TGM4: variants seen among roughly 807,000 people sequenced by gnomAD.
TGM4 encodes the protein transglutaminase 4.
TGM4 carries 61 observed loss-of-function variants against 76.3 expected under a neutral mutation model. That is an observed-to-expected ratio of 0.80 (90% confidence interval 0.65 to 0.99). The LOEUF is 0.99. Ranked by LOEUF, TGM4 falls within the 50% of genes least tolerant of loss-of-function variation. The pLI is 0.00. For missense variants in TGM4, 794 were observed against 843.2 expected (o/e 0.94, Z 0.72); for synonymous variants, 337 against 329.8 (o/e 1.02, Z -0.24).
chr3:44,905,525 C>T (rs1001266374), intron 9 of TGM4, among the ~76,000 whole-genome samples: 33 of 152,164 alleles, frequency 2.2e-4, no homozygotes, highest in African/African-American at 8.0e-4. Context: ...TTCATCTGCC[C>T]ACAGGGCCAG....
Position 44,901,546 on chromosome 3 carries a change from G to T in TGM4, c.680G>T (p.Gly227Val), listed in dbSNP as rs1279458993. The T allele has an allele frequency of 6.2e-7, 1 of 1,612,308 alleles. No individual in the cohort carries two copies. The highest frequency in any genetic ancestry group is 1.7e-5 in the Admixed American group (1 of 59,888). Residue 227 changes from glycine (G) to valine (V), a missense_variant, in exon 7 of 14, where the codon GGC becomes GTC. Physicochemically the swap from Gly to Val is moderately radical, Grantham distance 109. Coordinates refer to ENST00000296125, the MANE Select transcript of TGM4 (RefSeq NM_003241.4). Reference protein sequence around the residue: ...CAMMSFEKGQGVLIGNWTGDY... With the variant: ...CAMMSFEKGQVVLIGNWTGDY... ...CAGATGAGCTTTGAGAAAGGCCAGG[G>T]CGTGCTCATTGGGAATTGGACTGGG... is the stretch of plus-strand genomic sequence containing the variant.
At chr3:44,911,697 G>A (rs1441688098) in intron 13 of TGM4, among the ~76,000 whole-genome samples, 1 of 152,120 alleles carries the variant, frequency 6.6e-6, no homozygotes, top group Non-Finnish European at 1.5e-5. Context: ...CCTGTGAATT[G>A]CCTGTTCCTA....
Position 44,906,942 on chromosome 3 carries a change from C to T in TGM4, c.1076-7C>T, listed in dbSNP as rs771760497. ...ACTGAGAGTGACCACCCCTGGCTTC[C>T]CCTCAGGTGTCTTCTGCTGTGGGCC... On this transcript the variant is annotated splice_region_variant and splice_polypyrimidine_tract_variant and intron_variant, in intron 9 of 13. Transcript: ENST00000296125. 1.9e-6 allele frequency: 3 copies of T among 1,611,836 alleles called. No individual in the cohort carries two copies. Among genetic ancestry groups the T allele is most frequent in the Non-Finnish European group, 2.5e-6 (3 of 1,178,448 alleles).
At chr3:44,906,810 G>A in intron 9 of TGM4, 139 bp from the exon 10 acceptor site, 4 of 1,072,026 alleles carry the variant, frequency 3.7e-6, no homozygotes, top group Non-Finnish European at 5.5e-6. Context: ...GATGGCCTAG[G>A]AAATGAGTAC....
intron 10 of TGM4, among the ~76,000 whole-genome samples, chr3:44,908,574 A>C (rs2372834): frequency 0.5 from 75,937 of 151,254 alleles, 19,582 homozygotes; most frequent in East Asian, 0.88. Flanking sequence ...CAGACTAGAT[A>C]ATCTTATGAC....
At chr3:44,893,933 C>T (rs900342040) in intron 5 of TGM4, among the ~76,000 whole-genome samples, 2 of 91,952 alleles carry the variant, frequency 2.2e-5, no homozygotes, top group South Asian at 5.5e-4. Context: ...ATCCACCCCA[C>T]GGCTCTCTCC....
At chr3:44,887,050 G>A (rs1032241842) in intron 2 of TGM4, among the ~76,000 whole-genome samples, 5 of 152,208 alleles carry the variant, frequency 3.3e-5, no homozygotes, top group African/African-American at 1.2e-4. Flanking sequence ...CCAGGGCCCT[G>A]AGGAGACAAC....
chr3:44,892,761 T>A (rs896377243), intron 4 of TGM4, among the ~76,000 whole-genome samples: 2 of 152,232 alleles, frequency 1.3e-5, no homozygotes, highest in Admixed American at 6.5e-5. Flanking sequence ...TAGTTATGTT[T>A]ACCTCCTTTA....
chr3:44,895,320 G>A (rs563455151), intron 5 of TGM4, among the ~76,000 whole-genome samples: 25 of 151,734 alleles, frequency 1.6e-4, no homozygotes, highest in South Asian at 4.2e-4. Flanking sequence ...AAAATCAAGC[G>A]GTGATTTTAA....
intron 6 of TGM4, among the ~76,000 whole-genome samples, 184 bp downstream of exon 6, chr3:44,897,000 CTTTTTTTTTT>C (rs59154155): frequency 9.6e-6 from 1 of 104,402 alleles, no homozygotes; most frequent in Non-Finnish European, 1.9e-5. Flanking sequence ...GTTTTCTTTT[CTTTTTTTTTT>C]TTTTTTTTTT....
In TGM4 at chr3:44,896,749, C is replaced by T. The variant is rs149832354; in HGVS notation, c.590C>T (p.Thr197Ile). Residue 197 changes from threonine (T) to isoleucine (I), a missense_variant, in exon 6 of 14, where the codon ACT (threonine) becomes ATT (isoleucine). Physicochemically the swap from Thr to Ile is moderately conservative, Grantham distance 89 (BLOSUM62 -1). Coordinates refer to ENST00000296125, the MANE Select transcript of TGM4 (RefSeq NM_003241.4). ...CTGGACTGCTGCATTTCCCTGCTGA[C>T]TGAGAGCTCCCTCAAGCCCACAGAT... ...NVLDCCISLL[T>I]ESSLKPTDRR... The T allele has an allele frequency of 1.9e-6, 3 of 1,614,084 alleles. No homozygotes were observed. Among genetic ancestry groups the T allele is most frequent in the African/African-American group, 2.7e-5 (2 of 74,930 alleles).
chr3:44,884,503 G>C (rs1263280221), intron 1 of TGM4, among the ~76,000 whole-genome samples: 2 of 151,916 alleles, frequency 1.3e-5, no homozygotes, highest in Non-Finnish European at 2.9e-5. Context: ...TTTTTTGGGG[G>C]GGATGGAGTC....
Position 44,887,771 on chromosome 3 carries a change from C to T in TGM4, c.276C>T (p.Thr92=). The part of the protein sequence containing the change: ...TPSDHYNWQA[T]LQNESGKEVT... ...CAGACCACTACAACTGGCAGGCAAC[C>T]CTTCAAAATGAGTCTGGCAAAGAGG... The change falls in exon 3 of 14, where the codon ACC becomes ACT. Residue 92 remains threonine, a synonymous_variant. Coordinates refer to ENST00000296125, the MANE Select transcript of TGM4 (RefSeq NM_003241.4). 6.2e-7 allele frequency: 1 copy of T among 1,614,176 alleles called. No individual in the cohort carries two copies. Among genetic ancestry groups the T allele is most frequent in the East Asian group, 2.2e-5 (1 of 44,874 alleles).
intron 1 of TGM4, among the ~76,000 whole-genome samples, chr3:44,880,049 T>C (rs1286624718): frequency 1.3e-5 from 2 of 152,172 alleles, no homozygotes; most frequent in Non-Finnish European, 2.9e-5. Context: ...TCCCCCTGCC[T>C]CAGCCTCCCA....
At chr3:44,902,096 C>T (rs1699863003) in intron 8 of TGM4, among the ~76,000 whole-genome samples, 165 bp downstream of exon 8, 1 of 152,186 alleles carries the variant, frequency 6.6e-6, no homozygotes, top group African/African-American at 2.4e-5. Flanking sequence ...CAGGTGCAAG[C>T]CACCATGCGT....
intron 10 of TGM4, among the ~76,000 whole-genome samples, chr3:44,907,808 A>G (rs569366225): frequency 5.8e-4 from 89 of 152,248 alleles, no homozygotes; most frequent in Middle Eastern, 3.4e-3. Context: ...ATGTTCCTCA[A>G]TCTGACAGAT....
In TGM4 at chr3:44,892,227, C is replaced by A. The variant is rs561398208; in HGVS notation, c.431-1350C>A. On this transcript the variant is annotated intron_variant, in intron 4 of 13. Coordinates refer to ENST00000296125, the MANE Select transcript of TGM4 (RefSeq NM_003241.4). ...GAGCTGAGATCACGCCACTGCACTC[C>A]AGCCTGGGTGACAGAGCGAGACTCT... Among the ~76,000 whole-genome samples the A allele has an allele frequency of 1.3e-3, 195 of 151,702 alleles. 1 individual carries two copies. The highest frequency in any genetic ancestry group is 4.5e-3 in the African/African-American group (186 of 41,400).
At chr3:44,905,576 G>A (rs1460063177) in intron 9 of TGM4, among the ~76,000 whole-genome samples, 1 of 152,202 alleles carries the variant, frequency 6.6e-6, no homozygotes, top group Non-Finnish European at 1.5e-5. Context: ...TGGGGACCTA[G>A]AGACATGAGC....
At chr3:44,878,871 T>G (rs1699488000) in intron 1 of TGM4, among the ~76,000 whole-genome samples, 1 of 152,212 alleles carries the variant, frequency 6.6e-6, no homozygotes, top group Non-Finnish European at 1.5e-5. Context: ...AACCATCACC[T>G]CTTCGCTGCT....
Sources: gnomAD v4.1 joint callset for allele counts (sites outside exome capture counted in the v4.1 genomes callset) on GRCh38, gnomAD v4.1.1 for gene constraint, MANE v1.5 for transcripts, NCBI Gene and HGNC (gene_info 2026-07-23, HGNC 2026-07-21) for gene names.